Variants in CSNK2A2IP observed in about 807,000 individuals in gnomAD.
CSNK2A2IP encodes the protein casein kinase 2 subunit alpha' interacting protein.
At chr3:88,443,084 A>C in the CSNK2A2IP span, among the ~76,000 whole-genome samples, 2 of 152,138 alleles carry the variant, frequency 1.3e-5, no homozygotes, top group African/African-American at 4.8e-5. Flanking sequence ...CAGTCTGAAA[A>C]AGTTATGAAA....
the CSNK2A2IP span, among the ~76,000 whole-genome samples, chr3:88,366,559 T>A: frequency 6.6e-6 from 1 of 152,106 alleles, no homozygotes; most frequent in Non-Finnish European, 1.5e-5. Context: ...TCCCCTACCA[T>A]GTTTATATTT....
chr3:88,398,735 T>G, the CSNK2A2IP span, among the ~76,000 whole-genome samples: 40 of 152,268 alleles, frequency 2.6e-4, no homozygotes, highest in East Asian at 5.0e-3. Flanking sequence ...TGAGATACTA[T>G]AAAGACATCT....
chr3:88,407,769 G>A, the CSNK2A2IP span, among the ~76,000 whole-genome samples: 22 of 151,852 alleles, frequency 1.4e-4, no homozygotes, highest in African/African-American at 5.3e-4. Context: ...AGCCACCCAG[G>A]GTGGAGTGCA....
the CSNK2A2IP span, among the ~76,000 whole-genome samples, chr3:88,402,699 G>A: frequency 6.7e-5 from 10 of 149,120 alleles, no homozygotes; most frequent in Admixed American, 4.7e-4. Context: ...ATATTTGCAC[G>A]TAAAGAGTAT....
At chr3:88,403,490 A>G in the CSNK2A2IP span, among the ~76,000 whole-genome samples, 13 of 152,146 alleles carry the variant, frequency 8.5e-5, no homozygotes, top group African/African-American at 3.1e-4. Context: ...TTGTTCTTTT[A>G]TTTTCATCCT....
At chr3:88,379,506 T>A in the CSNK2A2IP span, among the ~76,000 whole-genome samples, 1 of 152,154 alleles carries the variant, frequency 6.6e-6, no homozygotes, top group Non-Finnish European at 1.5e-5. Flanking sequence ...CATATCATAA[T>A]GTCCTGAAAG....
the CSNK2A2IP span, chr3:88,382,918 T>G: frequency 1.3e-5 from 2 of 152,240 alleles, no homozygotes; most frequent in African/African-American, 2.4e-5. Context: ...AATTTTCTAT[T>G]AGAGTGAATT....
At chr3:88,457,591 G>A in the CSNK2A2IP span, among the ~76,000 whole-genome samples, 7 of 151,944 alleles carry the variant, frequency 4.6e-5, no homozygotes, top group Non-Finnish European at 1.0e-4. Flanking sequence ...CAGCTACTCA[G>A]GAGGCTGAGG....
the CSNK2A2IP span, among the ~76,000 whole-genome samples, chr3:88,416,715 T>TATC: frequency 6.6e-6 from 1 of 152,194 alleles, no homozygotes; most frequent in Non-Finnish European, 1.5e-5. Context: ...CAAGACAACA[T>TATC]ATCTATAAAT....
chr3:88,370,878 A>C, the CSNK2A2IP span, among the ~76,000 whole-genome samples: 2 of 151,722 alleles, frequency 1.3e-5, no homozygotes, highest in African/African-American at 4.8e-5. Flanking sequence ...TCTTTATGAG[A>C]AGAGACACTG....
At chr3:88,408,480 G>A in the CSNK2A2IP span, among the ~76,000 whole-genome samples, 1 of 152,048 alleles carries the variant, frequency 6.6e-6, no homozygotes, top group East Asian at 1.9e-4. Context: ...TATTAAAGTA[G>A]CTGATTAACC....
the CSNK2A2IP span, among the ~76,000 whole-genome samples, chr3:88,362,071 A>C: frequency 6.6e-6 from 1 of 152,096 alleles, no homozygotes; most frequent in Admixed American, 6.6e-5. Flanking sequence ...GAGAAGTCAT[A>C]TATCTCTGTC....
At chr3:88,442,476 G>A in the CSNK2A2IP span, among the ~76,000 whole-genome samples, 1 of 152,036 alleles carries the variant, frequency 6.6e-6, no homozygotes, top group Non-Finnish European at 1.5e-5. Context: ...TTATGAGAGA[G>A]GAATCCACAT....
chr3:88,379,991 T>C, the CSNK2A2IP span, among the ~76,000 whole-genome samples: 11 of 152,130 alleles, frequency 7.2e-5, no homozygotes, highest in Non-Finnish European at 1.6e-4. Flanking sequence ...TTATATTATA[T>C]TTGTAAGATT....
the CSNK2A2IP span, among the ~76,000 whole-genome samples, chr3:88,458,141 G>GTTTTTTTTTTTTTTTT: frequency 2.4e-5 from 2 of 83,306 alleles, no homozygotes; most frequent in African/African-American, 1.1e-4. Flanking sequence ...TGTAATTGTG[G>GTTTTTTTTTTTTTTTT]TTTTTTTTTT....
chr3:88,413,773 A>G, the CSNK2A2IP span, among the ~76,000 whole-genome samples: 1 of 151,982 alleles, frequency 6.6e-6, no homozygotes, highest in Non-Finnish European at 1.5e-5. Context: ...ATTTTTATGT[A>G]TATGTGGCAT....
the CSNK2A2IP span, among the ~76,000 whole-genome samples, chr3:88,446,214 G>A: frequency 4.3e-4 from 65 of 151,392 alleles, 1 homozygote; most frequent in South Asian, 0.011. Context: ...TCAGCCTCCC[G>A]AGTAGCTGGG....
chr3:88,338,962 G>A, the CSNK2A2IP span, among the ~76,000 whole-genome samples: 3 of 151,528 alleles, frequency 2.0e-5, no homozygotes, highest in African/African-American at 4.9e-5. Context: ...GTATGTATGC[G>A]GTACATGTGA....
the CSNK2A2IP span, among the ~76,000 whole-genome samples, chr3:88,343,748 T>C: frequency 6.6e-6 from 1 of 151,920 alleles, no homozygotes; most frequent in Non-Finnish European, 1.5e-5. Flanking sequence ...CTGTATGTCT[T>C]TCATTCATTT....
Sources: gnomAD v4.1 joint callset for allele counts (sites outside exome capture counted in the v4.1 genomes callset) on GRCh38, gnomAD v4.1.1 for gene constraint, MANE v1.5 for transcripts, NCBI Gene and HGNC (gene_info 2026-07-23, HGNC 2026-07-21) for gene names.